The following NSF variants were observed in gnomAD, a reference collection of about 807,000 sequenced individuals.
The protein encoded by NSF is N-ethylmaleimide sensitive factor, vesicle fusing ATPase.
Under a neutral mutation model 50.3 loss-of-function variants are expected in NSF, and 14 were observed. The observed-to-expected ratio is 0.28, with a 90% CI of 0.18 to 0.44. The LOEUF (loss-of-function observed/expected upper bound fraction) is 0.44. NSF is among the 20% of genes least tolerant of loss of function. The pLI is 1.00. For synonymous variants in NSF, 109 were observed against 175.7 expected (o/e 0.62, Z 3.00); for missense variants, 218 against 504.3 (o/e 0.43, Z 5.44).
At chr17:46,739,629 C>T (rs2059048603) in intron 17 of NSF, among the ~76,000 whole-genome samples, 1 of 151,868 alleles carries the variant, frequency 6.6e-6, no homozygotes, top group Non-Finnish European at 1.5e-5. Flanking sequence ...CCTGTGGGCC[C>T]CTTCCTCTAC....
intron 1 of NSF, among the ~76,000 whole-genome samples, chr17:46,608,883 C>T (rs1312322428): frequency 1.3e-4 from 20 of 151,994 alleles, no homozygotes; most frequent in Admixed American, 1.3e-3. Context: ...CATGAGCCCG[C>T]GCACCTGGCC....
At chr17:46,704,659 A>G in intron 12 of NSF, 100 bp from the exon 13 acceptor site, 1 of 1,394,058 alleles carries the variant, frequency 7.2e-7, no homozygotes. Context: ...GTGTGAAAAT[A>G]TGCTTTTAAA....
intron 13 of NSF, among the ~76,000 whole-genome samples, chr17:46,709,929 T>C (rs2058702250): frequency 6.6e-6 from 1 of 152,178 alleles, no homozygotes; most frequent in Non-Finnish European, 1.5e-5. Context: ...AAAGGACCAG[T>C]ATATGCAAAG....
chr17:46,707,865 C>T (rs1440894639), intron 13 of NSF, among the ~76,000 whole-genome samples: 1 of 151,986 alleles, frequency 6.6e-6, no homozygotes, highest in Non-Finnish European at 1.5e-5. Context: ...AACCCCATCT[C>T]TACTAAAAAA....
intron 17 of NSF, among the ~76,000 whole-genome samples, chr17:46,745,917 T>C (rs977239939): frequency 2.0e-5 from 3 of 152,214 alleles, no homozygotes; most frequent in Non-Finnish European, 4.4e-5. Flanking sequence ...GCCCTTGGAC[T>C]TAGGTATTTC....
In NSF at chr17:46,711,059, C is replaced by T. The variant is rs777010690; in HGVS notation, c.1567C>T (p.Leu523=). 1.9e-6 allele frequency: 3 copies of T among 1,587,136 alleles called. No homozygotes were observed. In the Admixed American group the frequency reaches 5.6e-5, roughly 30 times the overall value. Residue 523 remains leucine, a synonymous_variant, in exon 14 of 21, where the codon CTG becomes TTG. Coordinates refer to ENST00000398238, the MANE Select transcript of NSF (RefSeq NM_006178.4). ...TACTCGAGTTCTAGATGATGGGGAG[C>T]TGCTGGTGCAGCAGACTAAGAACAG... ...PVTRVLDDGE[L]LVQQTKNSDR...
chr17:46,606,127 C>T (rs1165299877), intron 1 of NSF, among the ~76,000 whole-genome samples: 3 of 47,506 alleles, frequency 6.3e-5, no homozygotes, highest in African/African-American at 2.4e-4. Flanking sequence ...TGCAGTGAGC[C>T]GAAATCACGC....
chr17:46,631,001 T>C (rs1180093063), intron 4 of NSF, among the ~76,000 whole-genome samples: 1 of 141,676 alleles, frequency 7.1e-6, no homozygotes, highest in Non-Finnish European at 1.5e-5. Context: ...TTACCAATTG[T>C]CATATTTTCT....
chr17:46,721,959 T>G, intron 15 of NSF: 2 of 1,604,246 alleles, frequency 1.2e-6, no homozygotes, highest in Non-Finnish European at 1.7e-6. Flanking sequence ...TGGAAAGATT[T>G]CAGTTGAGGA....
At chr17:46,687,383 A>G (rs181470785) in intron 9 of NSF, among the ~76,000 whole-genome samples, 2 of 151,374 alleles carry the variant, frequency 1.3e-5, no homozygotes, top group African/African-American at 4.9e-5. Context: ...TAATCTTATC[A>G]TGCTAGAAAC....
intron 17 of NSF, among the ~76,000 whole-genome samples, chr17:46,743,676 G>T (rs2059099633): frequency 6.6e-6 from 1 of 152,130 alleles, no homozygotes; most frequent in Non-Finnish European, 1.5e-5. Context: ...GTGCAGCATG[G>T]TCCCTGGAGA....
chr17:46,741,174 A>T (rs2059067214), intron 17 of NSF, among the ~76,000 whole-genome samples: 2 of 152,166 alleles, frequency 1.3e-5, no homozygotes, highest in African/African-American at 4.8e-5. Context: ...CAGACAGATC[A>T]CTTTACCTCT....
chr17:46,667,992 C>T (rs2058351294), intron 8 of NSF, among the ~76,000 whole-genome samples: 1 of 142,600 alleles, frequency 7.0e-6, no homozygotes, highest in South Asian at 2.2e-4. Context: ...ACACCTTTAG[C>T]AGCCTTGCTC....
intron 17 of NSF, among the ~76,000 whole-genome samples, chr17:46,738,828 G>T (rs751212249): frequency 1.3e-5 from 2 of 152,256 alleles, no homozygotes; most frequent in African/African-American, 2.4e-5. Flanking sequence ...GTGGTTGGGC[G>T]CAGTGGCTTA....
chr17:46,709,490 A>G (rs2058696290), intron 13 of NSF, among the ~76,000 whole-genome samples: 1 of 151,526 alleles, frequency 6.6e-6, no homozygotes, highest in South Asian at 2.1e-4. Context: ...AAGCCAGCCT[A>G]TAATTTTTTT....
intron 17 of NSF, among the ~76,000 whole-genome samples, chr17:46,740,650 C>A (rs1337128410): frequency 6.6e-6 from 1 of 150,794 alleles, no homozygotes; most frequent in South Asian, 2.1e-4. Flanking sequence ...GTCAGTACAA[C>A]TTTATCTTTT....
At chr17:46,718,417 C>T (rs1284866344) in intron 15 of NSF, among the ~76,000 whole-genome samples, 1 of 152,114 alleles carries the variant, frequency 6.6e-6, no homozygotes, top group Non-Finnish European at 1.5e-5. Context: ...ATGATACATG[C>T]TTAATGAGTT....
In NSF at chr17:46,755,836, T is replaced by C; in HGVS notation, c.*13T>C. On this transcript the variant is annotated 3_prime_UTR_variant, in exon 21 of 21. Transcript: ENST00000398238. ...TGATTTTGATTGAAAATGAACTATT[T>C]GAAACACACAGTGACCAAGGGAAGT... 1 of 1,612,110 alleles carries C rather than the reference T, an allele frequency of 6.2e-7. No individual in the cohort carries two copies. The highest frequency in any genetic ancestry group is 8.5e-7 in the Non-Finnish European group (1 of 1,179,410).
In NSF at chr17:46,614,021, ATAAGT is replaced by A. The variant is rs1456447336; in HGVS notation, c.13-10219_13-10215del. Among the ~76,000 whole-genome samples, 294 of 44,582 alleles carry A rather than the reference ATAAGT, an allele frequency of 6.6e-3. 1 individual carries two copies. The highest frequency in any genetic ancestry group is 0.016 in the Middle Eastern group (2 of 122). The allele number at this position is 44,582 out of a possible 152,430, so 29.2% of individuals were successfully genotyped here. On this transcript the variant is annotated intron_variant, in intron 1 of 20. Coordinates refer to ENST00000398238, the MANE Select transcript of NSF (RefSeq NM_006178.4). ...GTATTGAGGTAGATGACGCAGAAAA[ATAAGT>A]TAAAGATAGATCTTGCATAGGTGGC... is the stretch of plus-strand genomic sequence containing the variant.
Sources: allele counts gnomAD v4.1 joint callset (sites outside exome capture counted in the v4.1 genomes callset), GRCh38; gene constraint gnomAD v4.1.1; transcripts MANE v1.5; gene names NCBI Gene and HGNC (gene_info 2026-07-23, HGNC 2026-07-21).